The following RAD52 variants were observed in gnomAD, a reference collection of about 807,000 sequenced individuals.
RAD52 encodes the protein RAD52 DNA repair protein.
A neutral mutation model predicts 55.5 loss-of-function variants in RAD52; 47 were observed. The observed-to-expected ratio is 0.85, with a 90% CI of 0.67 to 1.08. The LOEUF is 1.08. Ranked by LOEUF, RAD52 falls within the 50% of genes least tolerant of loss-of-function variation. RAD52 has a pLI of 0.00. For missense variants in RAD52, 468 were observed against 522.8 expected (o/e 0.90, Z 1.02); for synonymous variants, 184 against 198.9 (o/e 0.92, Z 0.63).
intron 3 of RAD52, 146 bp from the exon 4 acceptor site, chr12:930,290 G>T (rs962087089): frequency 4.3e-6 from 3 of 690,292 alleles, no homozygotes; most frequent in Non-Finnish European, 7.4e-6. Flanking sequence ...GAGGTGGGAG[G>T]ATCACTTGAG....
At chr12:978,915 T>TAGATAGAC (rs1298086324) in intron 1 of RAD52, among the ~76,000 whole-genome samples, 32 of 151,608 alleles carry the variant, frequency 2.1e-4, no homozygotes, top group Admixed American at 1.1e-3. Context: ...GATAGATAGA[T>TAGATAGAC]AGACAGACAG....
chr12:931,374 A>G, intron 2 of RAD52, 53 bp from the exon 3 acceptor site: 4 of 1,324,274 alleles, frequency 3.0e-6, no homozygotes, highest in South Asian at 2.7e-5. Flanking sequence ...TCCTCACATC[A>G]TTGAGTCTCC....
chr12:983,477 C>T (rs1401949692), intron 1 of RAD52, among the ~76,000 whole-genome samples: 2 of 145,990 alleles, frequency 1.4e-5, no homozygotes. Flanking sequence ...AGAGCAATGG[C>T]GTGATCTCAG....
intron 1 of RAD52, among the ~76,000 whole-genome samples, chr12:945,222 G>A (rs1365631121): frequency 1.3e-5 from 2 of 151,762 alleles, no homozygotes; most frequent in African/African-American, 2.4e-5. Context: ...ATGGTGGCAG[G>A]TGCCTGTAAT....
intron 7 of RAD52, among the ~76,000 whole-genome samples, chr12:923,724 A>C (rs1956863303): frequency 6.6e-6 from 1 of 152,164 alleles, no homozygotes; most frequent in Non-Finnish European, 1.5e-5. Context: ...TCGACCACAC[A>C]CTAAAAATAG....
intron 1 of RAD52, among the ~76,000 whole-genome samples, chr12:970,423 T>C (rs1200298143): frequency 6.6e-6 from 1 of 152,094 alleles, no homozygotes; most frequent in East Asian, 1.9e-4. Context: ...ACTGGATATT[T>C]ATGTAGCACA....
intron 1 of RAD52, among the ~76,000 whole-genome samples, chr12:955,696 G>C (rs1248199633): frequency 2.6e-5 from 4 of 151,884 alleles, no homozygotes; most frequent in African/African-American, 4.8e-5. Flanking sequence ...CTGGTCTCGA[G>C]CTCCTGACCT....
chr12:982,682 G>T (rs975616798), intron 1 of RAD52, among the ~76,000 whole-genome samples: 2 of 140,682 alleles, frequency 1.4e-5, no homozygotes, highest in South Asian at 2.3e-4. Context: ...TTTTTGGCGG[G>T]GGGGACAGGG....
chr12:968,695 CTCA>C (rs1360529371), intron 1 of RAD52, among the ~76,000 whole-genome samples: 1 of 152,048 alleles, frequency 6.6e-6, no homozygotes, highest in Non-Finnish European at 1.5e-5. Flanking sequence ...AAAGCTTCAA[CTCA>C]TTGTGGGAAT....
chr12:962,332 C>T (rs1002153906), intron 1 of RAD52, among the ~76,000 whole-genome samples: 1 of 82,938 alleles, frequency 1.2e-5, no homozygotes, highest in African/African-American at 3.8e-5. Context: ...CCATCTGCCA[C>T]GCTTTCTTTC....
intron 1 of RAD52, among the ~76,000 whole-genome samples, chr12:984,977 T>G (rs1262770958): frequency 6.6e-6 from 1 of 152,142 alleles, no homozygotes; most frequent in Non-Finnish European, 1.5e-5. Flanking sequence ...ACCAGGCTAA[T>G]TTTTTGTATT....
chr12:918,191 C>T (rs1956512091), intron 7 of RAD52, among the ~76,000 whole-genome samples: 1 of 152,124 alleles, frequency 6.6e-6, no homozygotes. Context: ...CCACAAGCTA[C>T]AAAAACCAAA....
At chr12:948,348 T>C (rs1279562814) in intron 1 of RAD52, among the ~76,000 whole-genome samples, 1 of 152,198 alleles carries the variant, frequency 6.6e-6, no homozygotes, top group Non-Finnish European at 1.5e-5. Context: ...AATTAGATAA[T>C]AGTGGTGATT....
intron 1 of RAD52, among the ~76,000 whole-genome samples, chr12:964,609 G>A (rs764525009): frequency 2.6e-5 from 4 of 152,070 alleles, no homozygotes; most frequent in Non-Finnish European, 2.9e-5. Flanking sequence ...AGACAATAGC[G>A]GCTCTGCTGC....
At chr12:925,175 C>A (rs1178508370) in intron 7 of RAD52, among the ~76,000 whole-genome samples, 1 of 152,138 alleles carries the variant, frequency 6.6e-6, no homozygotes. Context: ...TGGTCTCGAT[C>A]TCCTGACCTT....
At chr12:951,709 A>T (rs1958531088), upstream of RAD52, among the ~76,000 whole-genome samples, 1 of 114,890 alleles carries the variant, frequency 8.7e-6, no homozygotes, top group South Asian at 3.4e-4. Context: ...ACTGATTTTC[A>T]TTGTTATCTT....
chr12:976,589 G>A (rs888087041), intron 1 of RAD52: 7 of 152,234 alleles, frequency 4.6e-5, no homozygotes, highest in African/African-American at 1.4e-4. Flanking sequence ...CAAGGTGCCA[G>A]ATATGAGCGT....
intron 9 of RAD52, 64 bp from the exon 10 acceptor site, chr12:914,596 G>A (rs1005824945): frequency 2.1e-5 from 33 of 1,592,334 alleles, no homozygotes; most frequent in African/African-American, 2.7e-5. Context: ...ATTTCAGAGC[G>A]TGGGTCCACT....
At chr12:949,762 A>G (rs1958468875), upstream of RAD52, 1 of 152,072 alleles carries the variant, frequency 6.6e-6, no homozygotes, top group African/African-American at 2.4e-5. Flanking sequence ...GGGGGAAAAA[A>G]AAAAACACAG....
Sources: allele counts gnomAD v4.1 joint callset (sites outside exome capture counted in the v4.1 genomes callset), GRCh38; gene constraint gnomAD v4.1.1; transcripts MANE v1.5; gene names NCBI Gene and HGNC (gene_info 2026-07-23, HGNC 2026-07-21).